BICD1: variants seen among roughly 807,000 people sequenced by gnomAD.
BICD1 encodes BICD cargo adaptor 1, also known as protein bicaudal D homolog 1.
BICD1 carries 35 observed loss-of-function variants against 92.5 expected under a neutral mutation model. The ratio of observed to expected loss-of-function variants is 0.38; its 90% CI spans 0.29 to 0.50. The LOEUF is 0.50. Among genes scored for constraint, BICD1 ranks in the 20% least tolerant of loss-of-function variants. BICD1 has a pLI of 0.93. For synonymous variants in BICD1, 429 were observed against 465.1 expected, an observed-to-expected ratio of 0.92 and a Z score of 1.00; for missense variants, 950 against 1,189.8, an observed-to-expected ratio of 0.80 and a Z score of 2.97.
intron 3 of BICD1, among the ~76,000 whole-genome samples, chr12:32,295,672 G>A (rs918106730): frequency 2.2e-5 from 2 of 91,618 alleles, no homozygotes; most frequent in African/African-American, 1.0e-4. Context: ...TTTTTTTTTT[G>A]CGACAGAGTC....
intron 1 of BICD1, among the ~76,000 whole-genome samples, chr12:32,166,142 A>ATTTATTTATTTATTT (rs1555140630): frequency 6.9e-6 from 1 of 145,882 alleles, no homozygotes; most frequent in Non-Finnish European, 1.5e-5. Flanking sequence ...TTATTTATTT[A>ATTTATTTATTTATTT]TTTATTTTTT....
chr12:32,321,436 C>G lies in BICD1; in HGVS notation c.1006-6025C>G, dbSNP rs1182869248. Among the ~76,000 whole-genome samples, 3 of 152,162 alleles carry G rather than the reference C, an allele frequency of 2.0e-5. No homozygotes were observed. The East Asian group carries it at 5.8e-4, about 29-fold the overall frequency. Reference sequence around the variant, plus strand: ...ACATATGTTGTATACTTACACTAAACAGTTTACAAATACTGAAGTCAGGTT... The same window carrying G: ...ACATATGTTGTATACTTACACTAAAGAGTTTACAAATACTGAAGTCAGGTT... On this transcript the variant is annotated intron_variant, in intron 4 of 9. Coordinates refer to ENST00000652176, the MANE Select transcript of BICD1 (RefSeq NM_001714.4).
At chr12:32,192,545 CCAACCACAA>C (rs1023948476) in intron 1 of BICD1, among the ~76,000 whole-genome samples, 2 of 150,670 alleles carry the variant, frequency 1.3e-5, no homozygotes, top group Non-Finnish European at 2.9e-5. Context: ...GAAGATCAAA[CCAACCACAA>C]CATTCCGTTA....
intron 1 of BICD1, among the ~76,000 whole-genome samples, chr12:32,179,796 A>T (rs1293684158): frequency 6.6e-6 from 1 of 151,610 alleles, no homozygotes; most frequent in Non-Finnish European, 1.5e-5. Context: ...TTTGAGACCA[A>T]CCTGGCCAGC....
intron 2 of BICD1, among the ~76,000 whole-genome samples, 162 bp from the exon 3 acceptor site, chr12:32,293,832 T>C (rs1335430209): frequency 1.3e-5 from 2 of 152,206 alleles, no homozygotes; most frequent in Non-Finnish European, 2.9e-5. Context: ...TATGTGCTTT[T>C]AAGTTTTTGA....
chr12:32,246,563 G>T (rs1245217149), intron 2 of BICD1, among the ~76,000 whole-genome samples: 9 of 152,118 alleles, frequency 5.9e-5, no homozygotes, highest in African/African-American at 2.2e-4. Flanking sequence ...GCTTGAGCCT[G>T]GGGGGTTGAG....
At chr12:32,345,548 T>C (rs1938535154) in intron 8 of BICD1, among the ~76,000 whole-genome samples, 1 of 152,182 alleles carries the variant, frequency 6.6e-6, no homozygotes, top group Non-Finnish European at 1.5e-5. Flanking sequence ...TATGTGTTAA[T>C]ACCATTGGCA....
At chr12:32,162,246 C>G (rs979869396) in intron 1 of BICD1, among the ~76,000 whole-genome samples, 2 of 152,198 alleles carry the variant, frequency 1.3e-5, no homozygotes, top group Non-Finnish European at 2.9e-5. Context: ...AATATTCCAG[C>G]CTCTGCTGGA....
intron 2 of BICD1, among the ~76,000 whole-genome samples, chr12:32,230,399 CAAATAAAT>C (rs535189097): frequency 3.3e-3 from 445 of 133,288 alleles, no homozygotes; most frequent in Middle Eastern, 7.3e-3. Context: ...GACCCTGTCT[CAAATAAAT>C]AAATAAATAA....
At chr12:32,342,390 G>A (rs976588609) in intron 8 of BICD1, among the ~76,000 whole-genome samples, 3 of 151,286 alleles carry the variant, frequency 2.0e-5, no homozygotes, top group Admixed American at 6.6e-5. Flanking sequence ...GAGTAGCTGG[G>A]ACTACAGGCG....
chr12:32,108,686 C>T (rs1246407931), intron 1 of BICD1: 3 of 696,826 alleles, frequency 4.3e-6, no homozygotes, highest in Non-Finnish European at 7.9e-6. Flanking sequence ...AACTTGCCTT[C>T]CAATTTAGTG....
In BICD1 at chr12:32,327,480, T is replaced by C; in HGVS notation, c.1025T>C (p.Ile342Thr). Reference sequence around the variant, plus strand: ...TTGCAGGTAGAGCGGGAAAAGGCCATTCTTTTGGCCAACCTACAGGAGTCA... The same window carrying C: ...TTGCAGGTAGAGCGGGAAAAGGCCACTCTTTTGGCCAACCTACAGGAGTCA... Reference protein sequence around the residue: ...QLMQVEREKAILLANLQESQT... With the variant: ...QLMQVEREKATLLANLQESQT... The change falls in exon 5 of 10, where the codon ATT (isoleucine) becomes ACT (threonine). Residue 342 changes from isoleucine (I) to threonine (T), a missense_variant. Ile to Thr is a moderately conservative substitution (Grantham distance 89, BLOSUM62 -1). This residue lies in a region of BICD1 where 246 missense variants were observed against 258.4 expected (regional missense o/e 0.95). Coordinates refer to ENST00000652176, the MANE Select transcript of BICD1 (RefSeq NM_001714.4). 1 of 1,601,646 alleles carries C rather than the reference T, an allele frequency of 6.2e-7. No homozygotes were observed. The highest frequency in any genetic ancestry group is 2.2e-5 in the East Asian group (1 of 44,612).
intron 1 of BICD1, among the ~76,000 whole-genome samples, chr12:32,177,827 A>G (rs1944161659): frequency 1.4e-5 from 2 of 140,682 alleles, no homozygotes; most frequent in Admixed American, 7.2e-5. Context: ...TAAAATATTT[A>G]TTGCAAAAAC....
intron 2 of BICD1, among the ~76,000 whole-genome samples, chr12:32,226,869 A>G (rs1321326589): frequency 6.6e-6 from 1 of 152,208 alleles, no homozygotes; most frequent in East Asian, 1.9e-4. Flanking sequence ...CAACCCCTGG[A>G]GCTCTTCGCC....
rs560733885 is a variant in BICD1, at chr12:32,225,678, T to C, written c.426+9219T>C. On this transcript the variant is annotated intron_variant, in intron 2 of 9. Coordinates refer to ENST00000652176, the MANE Select transcript of BICD1 (RefSeq NM_001714.4). ...TGCTCTTGTCCAGGCTGGAGTTCAA[T>C]GGCATGATCTCAGCTCACTGCAACC... Among the ~76,000 whole-genome samples, 4 of 138,076 alleles carry C rather than the reference T, an allele frequency of 2.9e-5. No homozygotes were observed. In the East Asian group the frequency reaches 1.0e-3, roughly 35 times the overall value. 90.6% of individuals were successfully genotyped at this position (138,076 alleles called of 152,430 possible).
chr12:32,169,355 A>G (rs1018742113), intron 1 of BICD1, among the ~76,000 whole-genome samples: 1 of 152,140 alleles, frequency 6.6e-6, no homozygotes, highest in African/African-American at 2.4e-5. Flanking sequence ...CCACAGGAGA[A>G]TTCAGTTCTC....
chr12:32,151,859 C>A (rs1156426331), intron 1 of BICD1, among the ~76,000 whole-genome samples: 1 of 152,138 alleles, frequency 6.6e-6, no homozygotes, highest in Non-Finnish European at 1.5e-5. Flanking sequence ...TTTCTCCTTC[C>A]CTGTGGCCAT....
intron 2 of BICD1, among the ~76,000 whole-genome samples, chr12:32,266,047 T>C (rs1212998515): frequency 6.6e-6 from 1 of 152,188 alleles, no homozygotes; most frequent in African/African-American, 2.4e-5. Flanking sequence ...CACAAATTTG[T>C]TTAAACTTTT....
chr12:32,253,980 CGTATCCCACCTGCCACATTCATTGCG>C (rs1946643965), intron 2 of BICD1, among the ~76,000 whole-genome samples: 4 of 146,984 alleles, frequency 2.7e-5, no homozygotes, highest in South Asian at 2.1e-4. Context: ...TAATCACTGC[CGTATCCCACCTGCCACATTCATTGCG>C]GTATCCCACC....
Sources: gnomAD v4.1 joint callset for allele counts (sites outside exome capture counted in the v4.1 genomes callset) on GRCh38, gnomAD v4.1.1 for gene constraint, gnomAD v4.1.1 regional missense constraint, MANE v1.5 for transcripts, NCBI Gene and HGNC (gene_info 2026-07-23, HGNC 2026-07-21) for gene names.